STK33: variants seen among roughly 807,000 people sequenced by gnomAD.
STK33 encodes the protein serine/threonine-protein kinase 33.
Under a neutral mutation model 58.0 loss-of-function variants are expected in STK33, and 52 were observed. The observed-to-expected ratio is 0.90, with a 90% CI of 0.72 to 1.13. The LOEUF (loss-of-function observed/expected upper bound fraction) is 1.13, where lower values mean the gene tolerates loss of function less well. Ranked by LOEUF, STK33 falls within the 50% of genes most tolerant of loss-of-function variation. STK33 has a pLI of 0.00. For missense variants in STK33, 630 were observed against 604.2 expected (o/e 1.04, Z -0.45); for synonymous variants, 215 against 200.1 (o/e 1.07, Z -0.63).
intron 2 of STK33, among the ~76,000 whole-genome samples, chr11:8,478,377 G>A (rs1274290264): frequency 6.6e-6 from 1 of 152,064 alleles, no homozygotes; most frequent in Non-Finnish European, 1.5e-5. Context: ...GACATACATA[G>A]GTACTGGACA....
intron 1 of STK33, among the ~76,000 whole-genome samples, chr11:8,540,316 C>CA (rs142768062): frequency 0.034 from 4,013 of 116,948 alleles, 54 homozygotes; most frequent in Non-Finnish European, 0.039. Flanking sequence ...CCCATCTCTA[C>CA]AAAAAAAAAA....
At chr11:8,450,676 T>C (rs533530100) in intron 11 of STK33, among the ~76,000 whole-genome samples, 2 of 152,118 alleles carry the variant, frequency 1.3e-5, no homozygotes, top group East Asian at 1.9e-4. Context: ...AGCATAACCC[T>C]AACATCAGAA....
At chr11:8,430,184 C>T (rs1289236815) in intron 14 of STK33, among the ~76,000 whole-genome samples, 2 of 152,124 alleles carry the variant, frequency 1.3e-5, no homozygotes, top group Non-Finnish European at 2.9e-5. Flanking sequence ...TCCTGTATGC[C>T]TTCTATGGTT....
chr11:8,511,229 T>C (rs921901659), intron 1 of STK33, among the ~76,000 whole-genome samples: 3 of 152,082 alleles, frequency 2.0e-5, no homozygotes, highest in African/African-American at 4.8e-5. Flanking sequence ...ATATTCCTAA[T>C]TATTTTATTA....
chr11:8,450,202 T>C (rs1946100668), intron 11 of STK33, among the ~76,000 whole-genome samples: 1 of 152,118 alleles, frequency 6.6e-6, no homozygotes, highest in Admixed American at 6.5e-5. Flanking sequence ...GTGGCACAGA[T>C]ACACCATGGA....
chr11:8,425,902 G>A (rs1449803262), intron 14 of STK33, among the ~76,000 whole-genome samples: 2 of 152,008 alleles, frequency 1.3e-5, no homozygotes, highest in Non-Finnish European at 2.9e-5. Context: ...ATGCAGATGG[G>A]CACATGTGGG....
intron 14 of STK33, among the ~76,000 whole-genome samples, chr11:8,434,806 A>C (rs1943863093): frequency 1.3e-5 from 2 of 152,182 alleles, no homozygotes; most frequent in African/African-American, 4.8e-5. Context: ...CATCTCACTG[A>C]CCATCACGAT....
At chr11:8,408,410 A>T (rs1256271905) in intron 15 of STK33, among the ~76,000 whole-genome samples, 2 of 152,302 alleles carry the variant, frequency 1.3e-5, no homozygotes, top group East Asian at 3.9e-4. Flanking sequence ...CAAAAATGGG[A>T]ATCTGGTTAA....
chr11:8,336,714 G>A, the STK33 span, among the ~76,000 whole-genome samples: 33 of 152,352 alleles, frequency 2.2e-4, no homozygotes, highest in African/African-American at 4.8e-4. Context: ...AGGTGTAAGC[G>A]GATAAATTGG....
At chr11:8,555,641 G>A (rs1333974115) in intron 1 of STK33, among the ~76,000 whole-genome samples, 1 of 151,492 alleles carries the variant, frequency 6.6e-6, no homozygotes, top group Non-Finnish European at 1.5e-5. Flanking sequence ...CTCCAGCCTG[G>A]GTGACAGAGC....
At chr11:8,439,378 T>C (rs931278205) in intron 12 of STK33, among the ~76,000 whole-genome samples, 2 of 152,140 alleles carry the variant, frequency 1.3e-5, no homozygotes, top group Non-Finnish European at 2.9e-5. Context: ...ATGAATTCTA[T>C]TGGATTTACA....
chr11:8,492,294 A>G (rs199517083), intron 1 of STK33, among the ~76,000 whole-genome samples: 149 of 145,228 alleles, frequency 1.0e-3, no homozygotes, highest in South Asian at 2.0e-3. Context: ...AGGGGTTGCA[A>G]TCCTAGTCTC....
chr11:8,377,387 T>C, the STK33 span, among the ~76,000 whole-genome samples: 1 of 152,228 alleles, frequency 6.6e-6, no homozygotes. Flanking sequence ...ATCATTTCAA[T>C]AGATGCAGAA....
intron 15 of STK33, among the ~76,000 whole-genome samples, chr11:8,397,739 G>C (rs926119558): frequency 6.6e-6 from 1 of 152,064 alleles, no homozygotes; most frequent in African/African-American, 2.4e-5. Context: ...TGGCAAACTA[G>C]GATAACCAAT....
chr11:8,572,045 T>TAAA lies in STK33; in HGVS notation c.-466+22037_-466+22038insTTT, dbSNP rs1565393832. ...TTTTAATTTTAAAAAATAAATTAAT[T>TAAA]AATTAATTAATTTTAAAATTAAAAA... On this transcript the variant is annotated intron_variant, in intron 1 of 15. Transcript: ENST00000687296. Among the ~76,000 whole-genome samples, 6 of 62,218 alleles carry TAAA rather than the reference T, an allele frequency of 9.6e-5. 2 individuals carry two copies. The East Asian group carries it at 2.0e-3, about 21-fold the overall frequency. The allele number at this position is 62,218 out of a possible 152,430, so 40.8% of individuals were successfully genotyped here.
chr11:8,426,348 C>T (rs1050877678), intron 14 of STK33, among the ~76,000 whole-genome samples: 1 of 152,360 alleles, frequency 6.6e-6, no homozygotes, highest in South Asian at 2.1e-4. Flanking sequence ...CAATGTCCAG[C>T]TGCTTGTGCG....
At chr11:8,508,209 T>A (rs1952018008) in intron 1 of STK33, among the ~76,000 whole-genome samples, 1 of 151,728 alleles carries the variant, frequency 6.6e-6, no homozygotes. Flanking sequence ...GGTTTTTACA[T>A]TATGACCCAA....
At chr11:8,493,157 G>C (rs187015610) in intron 1 of STK33, among the ~76,000 whole-genome samples, 5 of 152,102 alleles carry the variant, frequency 3.3e-5, no homozygotes, top group Middle Eastern at 3.4e-3. Flanking sequence ...ATGAATCTGG[G>C]AGCTGGTTTT....
intron 15 of STK33, among the ~76,000 whole-genome samples, chr11:8,397,255 G>A (rs1849527380): frequency 6.6e-6 from 1 of 152,314 alleles, no homozygotes; most frequent in South Asian, 2.1e-4. Context: ...GTACTCCTCG[G>A]AGACAAAACT....
Sources: gnomAD v4.1 joint callset for allele counts (sites outside exome capture counted in the v4.1 genomes callset) on GRCh38, gnomAD v4.1.1 for gene constraint, MANE v1.5 for transcripts, NCBI Gene and HGNC (gene_info 2026-07-23, HGNC 2026-07-21) for gene names.